The following VEZT variants were observed in gnomAD, a reference collection of about 807,000 sequenced individuals.
VEZT encodes the protein vezatin, adherens junctions transmembrane protein.
In VEZT, 39 loss-of-function variants were observed where a neutral mutation model predicts 79.9. The ratio of observed to expected loss-of-function variants is 0.49; its 90% confidence interval spans 0.38 to 0.64. The LOEUF is 0.64. Ranked by LOEUF, VEZT falls within the 30% of genes least tolerant of loss-of-function variation. The pLI, the probability that VEZT is intolerant of heterozygous loss-of-function variation, is 0.00. For missense variants in VEZT, 837 were observed against 893.1 expected (o/e 0.94, Z 0.80); for synonymous variants, 325 against 327.6 (o/e 0.99, Z 0.09).
chr12:95,240,073 G>GAAGAA (rs1555246830), intron 1 of VEZT, among the ~76,000 whole-genome samples: 1 of 98,902 alleles, frequency 1.0e-5, no homozygotes, highest in Admixed American at 1.0e-4. Context: ...AGGAAGGAAG[G>GAAGAA]AAGAAAAGAA....
At chr12:95,259,157 G>GT (rs1593551239) in intron 3 of VEZT, among the ~76,000 whole-genome samples, 6 of 149,420 alleles carry the variant, frequency 4.0e-5, no homozygotes, top group Admixed American at 3.3e-4. Flanking sequence ...GTATGTCTAT[G>GT]TTTGTGCTCT....
chr12:95,218,077 C>G, intron 1 of VEZT, 191 bp downstream of exon 1: 1 of 429,014 alleles, frequency 2.3e-6, no homozygotes, highest in South Asian at 6.0e-5. Context: ...GGCGCCCTGG[C>G]CGTGGCCGGC....
chr12:95,280,524 T>TACAC (rs10611290), intron 7 of VEZT, among the ~76,000 whole-genome samples: 4,224 of 137,680 alleles, frequency 0.031, 78 homozygotes, highest in Middle Eastern at 0.077. Flanking sequence ...TTCATATGTG[T>TACAC]ACACACACAC....
intron 3 of VEZT, among the ~76,000 whole-genome samples, chr12:95,258,846 A>T (rs182096041): frequency 3.3e-5 from 5 of 152,268 alleles, no homozygotes; most frequent in African/African-American, 1.2e-4. Flanking sequence ...AATACTGACA[A>T]ATGAATAAGT....
intron 10 of VEZT, 57 bp from the exon 11 acceptor site, chr12:95,295,994 G>T: frequency 8.1e-7 from 1 of 1,234,194 alleles, no homozygotes. Flanking sequence ...GTAAATGAAT[G>T]CTTACTAGAG....
At chr12:95,233,806 T>C (rs985787318) in intron 1 of VEZT, among the ~76,000 whole-genome samples, 1 of 152,266 alleles carries the variant, frequency 6.6e-6, no homozygotes, top group Non-Finnish European at 1.5e-5. Context: ...ATATATTGTA[T>C]AATTCCATTT....
chr12:95,295,066 G>A (rs2073842914), intron 10 of VEZT, among the ~76,000 whole-genome samples: 1 of 152,188 alleles, frequency 6.6e-6, no homozygotes, highest in South Asian at 2.1e-4. Context: ...ATTGCCCCTT[G>A]CTTCGTCAAT....
intron 8 of VEZT, among the ~76,000 whole-genome samples, chr12:95,285,766 T>A (rs2070596903): frequency 6.6e-6 from 1 of 152,186 alleles, no homozygotes; most frequent in South Asian, 2.1e-4. Flanking sequence ...TTATTTATGA[T>A]ATTGTAGTCT....
At chr12:95,273,289 T>G (rs1054901765) in intron 6 of VEZT, among the ~76,000 whole-genome samples, 1 of 152,200 alleles carries the variant, frequency 6.6e-6, no homozygotes. Context: ...ATCCTTCAAT[T>G]TGTGCATAAA....
chr12:95,237,890 C>G (rs1384827503), intron 1 of VEZT, among the ~76,000 whole-genome samples: 2 of 152,166 alleles, frequency 1.3e-5, no homozygotes, highest in Non-Finnish European at 2.9e-5. Context: ...TTTATATGAG[C>G]ATTTTCTAAA....
intron 1 of VEZT, among the ~76,000 whole-genome samples, chr12:95,235,711 G>A (rs1378775855): frequency 3.3e-5 from 5 of 150,074 alleles, no homozygotes; most frequent in African/African-American, 1.2e-4. Flanking sequence ...TGGCCGGGCG[G>A]GGGGCTGACC....
intron 1 of VEZT, among the ~76,000 whole-genome samples, chr12:95,243,304 G>A (rs1446482259): frequency 1.3e-5 from 2 of 149,630 alleles, no homozygotes; most frequent in East Asian, 2.0e-4. Context: ...GGAGGTTGCC[G>A]TGAGCAGAGA....
chr12:95,257,321 A>C (rs1196542945), intron 3 of VEZT, 82 bp downstream of exon 3: 1 of 1,123,456 alleles, frequency 8.9e-7, no homozygotes. Flanking sequence ...TTGTTTTGCT[A>C]TCAATTTGGC....
At chr12:95,226,098 T>TA (rs11309269) in intron 1 of VEZT, among the ~76,000 whole-genome samples, 3,425 of 137,532 alleles carry the variant, frequency 0.025, 47 homozygotes, top group African/African-American at 0.05. Flanking sequence ...TGCCTTTATT[T>TA]AAAAAAAAAA....
intron 1 of VEZT, among the ~76,000 whole-genome samples, chr12:95,234,921 C>T (rs1274043102): frequency 6.6e-6 from 1 of 152,060 alleles, no homozygotes; most frequent in Non-Finnish European, 1.5e-5. Context: ...CGCCCTTAAT[C>T]CATTCAACCC....
At chr12:95,253,301 C>T (rs1288775157) in intron 2 of VEZT, among the ~76,000 whole-genome samples, 1 of 152,144 alleles carries the variant, frequency 6.6e-6, no homozygotes, top group African/African-American at 2.4e-5. Context: ...GATCCTTTCC[C>T]CAATCTTCTT....
intron 1 of VEZT, among the ~76,000 whole-genome samples, chr12:95,235,691 A>G: frequency 6.9e-6 from 1 of 145,298 alleles, no homozygotes. Flanking sequence ...TCCCTCCCGG[A>G]CGGGGCGGCT....
chr12:95,272,518 T>A (rs946264872), intron 6 of VEZT, among the ~76,000 whole-genome samples: 1 of 152,170 alleles, frequency 6.6e-6, no homozygotes, highest in African/African-American at 2.4e-5. Context: ...AGGGGCCAGA[T>A]CATATTCTCC....
intron 2 of VEZT, among the ~76,000 whole-genome samples, chr12:95,255,055 C>T (rs887771556): frequency 1.1e-4 from 16 of 152,108 alleles, no homozygotes; most frequent in African/African-American, 3.9e-4. Flanking sequence ...ATTCTCCAGG[C>T]TTTGCTGAGT....
Sources: gnomAD v4.1 joint callset for allele counts (sites outside exome capture counted in the v4.1 genomes callset) on GRCh38, gnomAD v4.1.1 for gene constraint, MANE v1.5 for transcripts, NCBI Gene and HGNC (gene_info 2026-07-23, HGNC 2026-07-21) for gene names.